ZNF836: variants seen among roughly 807,000 people sequenced by gnomAD.
The protein encoded by ZNF836 is zinc finger protein 836.
Under a neutral mutation model 7.4 loss-of-function variants are expected in ZNF836, and 12 were observed. That is an observed-to-expected ratio of 1.61 (90% CI 1.03 to 2.61). ZNF836 has a LOEUF of 2.61. Among genes scored for constraint, ZNF836 ranks in the 30% most tolerant of loss-of-function variants. The pLI is 0.00. For synonymous variants in ZNF836, 365 were observed against 382.6 expected, an observed-to-expected ratio of 0.95 and a Z score of 0.54; for missense variants, 998 against 1,126.2, an observed-to-expected ratio of 0.89 and a Z score of 1.63.
chr19:52,157,629 G>A (rs1600138918), intron 4 of ZNF836, 89 bp from the exon 5 acceptor site: 1 of 1,268,852 alleles, frequency 7.9e-7, no homozygotes, highest in East Asian at 2.7e-5. Flanking sequence ...GGAGTGGAGT[G>A]GCACAATCTC....
chr19:52,166,225 G>T (rs1189468090), intron 3 of ZNF836, among the ~76,000 whole-genome samples: 1 of 151,996 alleles, frequency 6.6e-6, no homozygotes, highest in Non-Finnish European at 1.5e-5. Context: ...CTCCTGACCT[G>T]GTGATCCGCC....
chr19:52,171,044 T>C (rs1365556503), intron 1 of ZNF836: 4 of 151,688 alleles, frequency 2.6e-5, no homozygotes, highest in Admixed American at 2.6e-4. Context: ...ACAGGGAGGG[T>C]CTGCAGAATC....
In ZNF836 at chr19:52,154,945, G is replaced by GT; in HGVS notation, c.2737dup (p.Thr913AsnfsTer6). On this transcript the variant is annotated frameshift_variant, in exon 5 of 5. Transcript: ENST00000682614. LOFTEE classifies it low-confidence loss of function (END_TRUNC). ...GAATTTTGTTTTAAGACTCTCTGCA[G>GT]TATGTTTTGTCTGATGTTTAGTGAG... The GT allele has an allele frequency of 6.3e-7, 1 of 1,580,740 alleles. No individual in the cohort carries two copies. The highest frequency in any genetic ancestry group is 1.4e-5 in the African/African-American group (1 of 73,570).
rs557042383 is a variant in ZNF836, at chr19:52,158,627, C to T, written c.143-1087G>A. ...GCATGGTGGTGTGCACCTGTAATCC[C>T]AGCTACTTGGGATGCTGAGGTAGGA... On this transcript the variant is annotated intron_variant, in intron 4 of 4. Transcript: ENST00000682614. Among the ~76,000 whole-genome samples the T allele has an allele frequency of 5.3e-4, 81 of 152,070 alleles. 1 individual carries two copies. Among genetic ancestry groups the T allele is most frequent in the African/African-American group, 1.9e-3 (77 of 41,450 alleles).
chr19:52,163,883 G>A (rs1435966452), intron 3 of ZNF836, among the ~76,000 whole-genome samples: 1 of 152,090 alleles, frequency 6.6e-6, no homozygotes, highest in Admixed American at 6.5e-5. Context: ...TCAATTAGGA[G>A]ATGACAAGCA....
rs760215415 is a variant in ZNF836, at chr19:52,156,961, G to T, written c.722C>A (p.Thr241Asn). 1.2e-6 allele frequency: 2 copies of T among 1,614,164 alleles called. No individual in the cohort carries two copies. The highest frequency in any genetic ancestry group is 1.7e-6 in the Non-Finnish European group (2 of 1,180,018). Residue 241 changes from threonine (T) to asparagine (N), a missense_variant, in exon 5 of 5, where the codon ACT (threonine) becomes AAT (asparagine). Physicochemically the swap from Thr to Asn is moderately conservative, Grantham distance 65. Coordinates refer to ENST00000682614, the MANE Select transcript of ZNF836 (RefSeq NM_001102657.3). ...ATTGCATTTGTAAGGTTTCTCTGTA[G>T]TATGTACCATCTGATGGTTAATAAG... ...SSLINHQMVHTTEKPYKCNEC... is the reference protein window; with the variant it reads ...SSLINHQMVHNTEKPYKCNEC...
intron 3 of ZNF836, among the ~76,000 whole-genome samples, chr19:52,164,100 G>C (rs925724825): frequency 1.3e-5 from 2 of 150,982 alleles, no homozygotes; most frequent in African/African-American, 4.9e-5. Flanking sequence ...GAGAAAGAAA[G>C]AGAGTAATGG....
In ZNF836 at chr19:52,161,448, GT is replaced by G. The variant is rs11325710; in HGVS notation, c.16-858del. Among the ~76,000 whole-genome samples the G allele has an allele frequency of 0.34, 51,513 of 151,940 alleles. 9,869 individuals are homozygous for G. The highest frequency in any genetic ancestry group is 0.56 in the East Asian group (2,889 of 5,164). ...TGTTGCTGCACAGGGGACGAATGCT[GT>G]TGTCCCCACATGGCAGAAGGGACAG... is the stretch of plus-strand genomic sequence containing the variant. On this transcript the variant is annotated intron_variant, in intron 3 of 4. Coordinates refer to ENST00000682614, the MANE Select transcript of ZNF836 (RefSeq NM_001102657.3). The surrounding 1 kb of genome is among the most constrained non-coding windows in gnomAD (Gnocchi z 4.1).
At position 52,157,236 on chromosome 19, in the gene ZNF836, C is replaced by A; in HGVS notation, c.447G>T (p.Leu149=). ...NQLTLSFQSR[L]TELQKFQTEG... ...CAGTTTGAAATTTCTGCAGTTCAGT[C>A]AGACGTGACTGAAAGCTTAATGTAA... The change falls in exon 5 of 5, where the codon CTG becomes CTT. Residue 149 remains leucine (L), a synonymous_variant. Coordinates refer to ENST00000682614, the MANE Select transcript of ZNF836 (RefSeq NM_001102657.3). 6.2e-7 allele frequency: 1 copy of A among 1,609,594 alleles called. No homozygotes were observed. Among genetic ancestry groups the A allele is most frequent in the South Asian group, 1.1e-5 (1 of 90,680 alleles).
At position 52,154,917 on chromosome 19, in the gene ZNF836, A is replaced by G. The variant is rs1402358899; in HGVS notation, c.2766T>C (p.Asn922=). 2.6e-6 allele frequency: 4 copies of G among 1,541,354 alleles called. No individual in the cohort carries two copies. In the African/African-American group the frequency reaches 5.5e-5, roughly 21 times the overall value. ...GGAGAACATCTAAAGGCTTTTCCAC[A>G]TTGAATTTTGTTTTAAGACTCTCTG... is the stretch of plus-strand genomic sequence containing the variant. ...HTAESLKTKF[N]VEKPLDVLLT... Residue 922 remains asparagine (N), a synonymous_variant, in exon 5 of 5, where the codon AAT becomes AAC. Transcript: ENST00000682614.
intron 3 of ZNF836, among the ~76,000 whole-genome samples, chr19:52,166,212 T>G (rs2089262481): frequency 6.6e-6 from 1 of 152,066 alleles, no homozygotes; most frequent in Non-Finnish European, 1.5e-5. Context: ...GGCTGGTCTC[T>G]AACTCCTGAC....
chr19:52,164,163 G>A (rs1039715330), intron 3 of ZNF836, among the ~76,000 whole-genome samples: 2 of 151,962 alleles, frequency 1.3e-5, no homozygotes, highest in Non-Finnish European at 2.9e-5. Context: ...GAGCCAAGGA[G>A]GGCAAATCAC....
Position 52,156,016 on chromosome 19 carries a change from C to T in ZNF836, c.1667G>A (p.Cys556Tyr). 6.2e-7 allele frequency: 1 copy of T among 1,614,076 alleles called. No homozygotes were observed. Among genetic ancestry groups the T allele is most frequent in the Non-Finnish European group, 8.5e-7 (1 of 1,179,906 alleles). ...RIHTGEQPYK[C>Y]NVCGKVFNYS... Reference sequence around the variant, plus strand: ...ATTGAAGACCTTGCCACACACATTACATTTGTAAGGTTGCTCCCCAGTATG... The same window carrying T: ...ATTGAAGACCTTGCCACACACATTATATTTGTAAGGTTGCTCCCCAGTATG... Residue 556 changes from cysteine to tyrosine, a missense_variant, in exon 5 of 5, where the codon TGT becomes TAT. By Grantham distance (194) the Cys-to-Tyr change is radical. Transcript: ENST00000682614.
At chr19:52,166,575 C>CT (rs56320677) in intron 3 of ZNF836, among the ~76,000 whole-genome samples, 69,931 of 133,142 alleles carry the variant, frequency 0.53, 20,069 homozygotes, top group Non-Finnish European at 0.65. Context: ...GTACCAACTT[C>CT]TTTTTTTTTT....
At chr19:52,160,742 T>C in intron 3 of ZNF836, 151 bp from the exon 4 acceptor site, 2 of 920,628 alleles carry the variant, frequency 2.2e-6, no homozygotes, top group East Asian at 2.8e-5. Context: ...GTCCCTAATT[T>C]AAGTTTGTTT....
At position 52,157,162 on chromosome 19, in the gene ZNF836, C is replaced by A. The variant is rs2089171880; in HGVS notation, c.521G>T (p.Ser174Ile). 1 of 1,612,674 alleles carries A rather than the reference C, an allele frequency of 6.2e-7. No homozygotes were observed. The highest frequency in any genetic ancestry group is 8.5e-7 in the Non-Finnish European group (1 of 1,179,166). ...CNQSEKTVNN[S>I]SLVSPLQRIL... ...TCTTTGAAGTGGTGAAACTAGGGAA[C>A]TGTTATTAACTGTCTTCTCAGATTG... The change falls in exon 5 of 5, where the codon AGT becomes ATT. Residue 174 changes from serine to isoleucine, a missense_variant. Ser to Ile is a moderately radical substitution (Grantham distance 142, BLOSUM62 -2). Coordinates refer to ENST00000682614, the MANE Select transcript of ZNF836 (RefSeq NM_001102657.3).
In ZNF836 at chr19:52,171,531, G is replaced by A. The variant is rs2089308080; in HGVS notation, c.-410C>T. On this transcript the variant is annotated 5_prime_UTR_variant, in exon 1 of 5. Coordinates refer to ENST00000682614, the MANE Select transcript of ZNF836 (RefSeq NM_001102657.3). ...GCGCGATCTGCTTCCGGGTGTGCAG[G>A]AAGCTACACGCCCTGAGAAAAAAGA... 1 of 152,254 alleles carries A rather than the reference G, an allele frequency of 6.6e-6. No individual in the cohort carries two copies. Among genetic ancestry groups the A allele is most frequent in the African/African-American group, 2.4e-5 (1 of 41,448 alleles). The allele number at this position is 152,254 out of a possible 1,614,324, so 9.4% of individuals were successfully genotyped here.
In ZNF836 at chr19:52,157,525, C is replaced by T. The variant is rs1282493807; in HGVS notation, c.158G>A (p.Cys53Tyr). 3 of 1,521,738 alleles carry T rather than the reference C, an allele frequency of 2.0e-6. No homozygotes were observed. Among genetic ancestry groups the T allele is most frequent in the Admixed American group, 2.5e-5 (1 of 40,498 alleles). 94.3% of individuals were successfully genotyped at this position (1,521,738 alleles called of 1,614,324 possible). Residue 53 changes from cysteine (C) to tyrosine (Y), a missense_variant, in exon 5 of 5, where the codon TGT becomes TAT. Transcript: ENST00000682614. ...TATTGGTGGTAATTCCTTGGTCATACATTTAGGAAGGATACCTACAAAATA... is the reference window on the plus strand; with the variant it reads ...TATTGGTGGTAATTCCTTGGTCATATATTTAGGAAGGATACCTACAAAATA... Reference protein sequence around the residue: ...NLVFLGILPKCMTKELPPIGN... With the variant: ...NLVFLGILPKYMTKELPPIGN...
At chr19:52,162,758 C>T (rs994015809) in intron 3 of ZNF836, among the ~76,000 whole-genome samples, 5 of 152,288 alleles carry the variant, frequency 3.3e-5, no homozygotes. Flanking sequence ...CTAGATTTCC[C>T]AGTAGATAAC....
Sources: allele counts gnomAD v4.1 joint callset (sites outside exome capture counted in the v4.1 genomes callset), GRCh38; gene constraint gnomAD v4.1.1; non-coding constraint Gnocchi (gnomAD v3.1); transcripts MANE v1.5; gene names NCBI Gene and HGNC (gene_info 2026-07-23, HGNC 2026-07-21).